The following SLC14A2 variants were observed in gnomAD, a reference collection of about 807,000 sequenced individuals.
SLC14A2 encodes solute carrier family 14 member 2, also known as urea transporter 2.
A neutral mutation model predicts 104.6 loss-of-function variants in SLC14A2; 91 were observed. That is an observed-to-expected ratio of 0.87 (90% confidence interval 0.73 to 1.04). The LOEUF is 1.04. Ranked by LOEUF, SLC14A2 falls within the 50% of genes least tolerant of loss-of-function variation. The probability of loss-of-function intolerance (pLI) is 0.00; values close to 1 mark genes in which losing one functional copy is unlikely to be tolerated. For missense variants in SLC14A2, 1,189 were observed against 1,156.0 expected (o/e 1.03, Z -0.41); for synonymous variants, 476 against 466.4 (o/e 1.02, Z -0.27).
intron 1 of SLC14A2, among the ~76,000 whole-genome samples, chr18:45,459,593 A>T (rs1292627772): frequency 6.6e-6 from 1 of 152,208 alleles, no homozygotes; most frequent in African/African-American, 2.4e-5. Context: ...GACTGAAAGC[A>T]TATACCACCT....
At chr18:45,300,133 A>G (rs2084954068) in intron 1 of SLC14A2, among the ~76,000 whole-genome samples, 1 of 152,234 alleles carries the variant, frequency 6.6e-6, no homozygotes, top group African/African-American at 2.4e-5. Context: ...GAGAAAGGAA[A>G]AAAACAAGAC....
rs73431977 is a variant in SLC14A2, at chr18:45,388,671, A to G, written c.-124-94562A>G. Among the ~76,000 whole-genome samples the G allele has an allele frequency of 4.0e-3, 612 of 152,300 alleles. 4 individuals are homozygous for G. The highest frequency in any genetic ancestry group is 0.014 in the African/African-American group (589 of 41,552). On this transcript the variant is annotated intron_variant, in intron 1 of 20. Transcript: ENST00000586448. Reference sequence around the variant, plus strand: ...ATTCCCCAAGAGAACACTTAAGAATAGGAATTCCACTCCATGTTTCTCATC... The same window carrying G: ...ATTCCCCAAGAGAACACTTAAGAATGGGAATTCCACTCCATGTTTCTCATC...
At chr18:45,207,341 AAAGG>A in the SLC14A2 span, among the ~76,000 whole-genome samples, 17 of 148,304 alleles carry the variant, frequency 1.1e-4, no homozygotes, top group African/African-American at 4.0e-4. Flanking sequence ...GAAAGGGAGA[AAAGG>A]AAGGAAAAGG....
At chr18:45,559,929 G>A (rs945336072) in intron 2 of SLC14A2, among the ~76,000 whole-genome samples, 1 of 152,220 alleles carries the variant, frequency 6.6e-6, no homozygotes, top group African/African-American at 2.4e-5. Flanking sequence ...GACCCAAGGT[G>A]TCTGGCCTTC....
At chr18:45,448,273 AC>A (rs2086803132) in intron 1 of SLC14A2, among the ~76,000 whole-genome samples, 1 of 152,264 alleles carries the variant, frequency 6.6e-6, no homozygotes, top group Admixed American at 6.5e-5. Flanking sequence ...AGCTAATCCA[AC>A]ATTGTGACCT....
At chr18:45,399,670 T>C (rs1210560334) in intron 1 of SLC14A2, among the ~76,000 whole-genome samples, 20 of 152,160 alleles carry the variant, frequency 1.3e-4, no homozygotes. Flanking sequence ...GGATGTTTTT[T>C]TCCATTTGTA....
At chr18:45,523,109 T>C (rs2144813049) in intron 2 of SLC14A2, among the ~76,000 whole-genome samples, 1 of 152,302 alleles carries the variant, frequency 6.6e-6, no homozygotes, top group East Asian at 1.9e-4. Flanking sequence ...GGTTCTCCAC[T>C]TTCTCAGCTG....
intron 8 of SLC14A2, among the ~76,000 whole-genome samples, chr18:45,642,459 A>C (rs576250847): frequency 2.6e-5 from 4 of 152,158 alleles, no homozygotes; most frequent in Non-Finnish European, 5.9e-5. Flanking sequence ...TTATCTCAAC[A>C]CTTCTAGTAG....
chr18:45,471,776 T>G (rs2087253051), intron 1 of SLC14A2, among the ~76,000 whole-genome samples: 1 of 152,176 alleles, frequency 6.6e-6, no homozygotes, highest in Non-Finnish European at 1.5e-5. Flanking sequence ...AGCTCATTTT[T>G]TGCTCTTTCA....
intron 2 of SLC14A2, chr18:45,528,377 A>G (rs1196032600): frequency 6.6e-6 from 1 of 152,048 alleles, no homozygotes; most frequent in Non-Finnish European, 1.5e-5. Flanking sequence ...GATGTAGAAA[A>G]AGACTCACTG....
intron 2 of SLC14A2, among the ~76,000 whole-genome samples, chr18:45,587,718 G>A (rs1001389618): frequency 6.6e-6 from 1 of 152,168 alleles, no homozygotes; most frequent in African/African-American, 2.4e-5. Flanking sequence ...CTGATGCCCA[G>A]GAAGGTGAAG....
chr18:45,594,050 G>A (rs2044690057), intron 2 of SLC14A2, among the ~76,000 whole-genome samples: 1 of 152,184 alleles, frequency 6.6e-6, no homozygotes, highest in Non-Finnish European at 1.5e-5. Context: ...GAGGTGTTTA[G>A]TGCTGCTTAC....
At chr18:45,494,210 C>T (rs529440523) in intron 2 of SLC14A2, among the ~76,000 whole-genome samples, 9 of 152,310 alleles carry the variant, frequency 5.9e-5, no homozygotes, top group East Asian at 1.9e-4. Context: ...TCTATCTGGA[C>T]AGTTGAATTC....
intron 1 of SLC14A2, among the ~76,000 whole-genome samples, chr18:45,402,261 C>T (rs2086104521): frequency 6.6e-6 from 1 of 152,138 alleles, no homozygotes. Flanking sequence ...AAAAGTTTCT[C>T]TTTGTAATTG....
chr18:45,542,721 G>C (rs1424724090), intron 2 of SLC14A2, among the ~76,000 whole-genome samples: 3 of 152,130 alleles, frequency 2.0e-5, no homozygotes, highest in African/African-American at 7.2e-5. Flanking sequence ...TGAAGCATCT[G>C]AAACTGGGAG....
At position 45,358,228 on chromosome 18, in the gene SLC14A2, GTGCATTGATTACTTT is replaced by G. The variant is rs547330040; in HGVS notation, c.-124-125000_-124-124986del. On this transcript the variant is annotated intron_variant, in intron 1 of 20. Coordinates refer to the SLC14A2 transcript ENST00000586448. ...TCCCTGGCAGAAGCCTGTTTACCAC[GTGCATTGATTACTTT>G]TGCAGCCACACTCTCTAATGTGCTT... Among the ~76,000 whole-genome samples, 8 of 152,294 alleles carry G rather than the reference GTGCATTGATTACTTT, an allele frequency of 5.3e-5. No individual in the cohort carries two copies. In the South Asian group the frequency reaches 1.7e-3, roughly 32 times the overall value.
chr18:45,327,516 C>A (rs967166524), intron 1 of SLC14A2, among the ~76,000 whole-genome samples: 1 of 152,152 alleles, frequency 6.6e-6, no homozygotes, highest in South Asian at 2.1e-4. Flanking sequence ...ACACTTTACC[C>A]ATTCAAAAAC....
At chr18:45,525,664 A>G (rs1261457869) in intron 2 of SLC14A2, among the ~76,000 whole-genome samples, 1 of 152,200 alleles carries the variant, frequency 6.6e-6, no homozygotes, top group African/African-American at 2.4e-5. Flanking sequence ...TCCAATTAGC[A>G]TTTGGTAGAT....
At chr18:45,250,755 CTTTTTTT>C (rs67864793) in intron 1 of SLC14A2, among the ~76,000 whole-genome samples, 17 of 93,890 alleles carry the variant, frequency 1.8e-4, no homozygotes, top group South Asian at 3.5e-4. Flanking sequence ...TGGCTTCTTC[CTTTTTTT>C]TTTTTTTTTT....
Sources: allele counts gnomAD v4.1 joint callset (sites outside exome capture counted in the v4.1 genomes callset), GRCh38; gene constraint gnomAD v4.1.1; transcripts MANE v1.5; gene names NCBI Gene and HGNC (gene_info 2026-07-23, HGNC 2026-07-21).